BLTP3B: variants seen among roughly 807,000 people sequenced by gnomAD.
BLTP3B encodes the protein UHRF1 (ICBP90) binding protein 1-like.
the BLTP3B span, chr12:100,088,938 T>C: frequency 6.3e-7 from 1 of 1,583,876 alleles, no homozygotes; most frequent in Admixed American, 1.9e-5. Flanking sequence ...ATGAATGTCA[T>C]CACATATGTG....
the BLTP3B span, chr12:100,072,904 T>A: frequency 7.3e-7 from 1 of 1,375,038 alleles, no homozygotes. Flanking sequence ...TAAAACTACT[T>A]ACAAAACTTT....
chr12:100,111,275 A>T, the BLTP3B span, among the ~76,000 whole-genome samples: 35 of 130,610 alleles, frequency 2.7e-4, no homozygotes, highest in East Asian at 3.9e-3. Context: ...GTGGGGTTTT[A>T]GATTTTTTTT....
At chr12:100,059,808 A>G in the BLTP3B span, 1 of 1,552,324 alleles carries the variant, frequency 6.4e-7, no homozygotes, top group Non-Finnish European at 8.7e-7. Context: ...TAAAATAAAA[A>G]GAACAAAATT....
the BLTP3B span, chr12:100,050,121 CAT>C: frequency 7.2e-7 from 1 of 1,380,240 alleles, no homozygotes; most frequent in Non-Finnish European, 9.5e-7. Flanking sequence ...AAAGTTAAAA[CAT>C]ATTAAACCAT....
chr12:100,142,192 G>C, the BLTP3B span, among the ~76,000 whole-genome samples: 1 of 152,210 alleles, frequency 6.6e-6, no homozygotes, highest in Non-Finnish European at 1.5e-5. Flanking sequence ...GCTCCAAGGG[G>C]AAGGAGCACC....
the BLTP3B span, among the ~76,000 whole-genome samples, chr12:100,083,773 C>G: frequency 6.6e-6 from 1 of 151,446 alleles, no homozygotes; most frequent in Non-Finnish European, 1.5e-5. Flanking sequence ...AAAAAGAAAC[C>G]TTCTAGAAAA....
chr12:100,042,951 C>G, the BLTP3B span, among the ~76,000 whole-genome samples: 4 of 152,084 alleles, frequency 2.6e-5, no homozygotes, highest in Admixed American at 1.3e-4. Context: ...AGATGTGCGC[C>G]AAGACACCCA....
the BLTP3B span, among the ~76,000 whole-genome samples, chr12:100,102,013 T>C: frequency 6.6e-6 from 1 of 152,110 alleles, no homozygotes. Context: ...TTGGTCAAGC[T>C]GGTGGCAAAC....
chr12:100,137,235 C>G, the BLTP3B span, among the ~76,000 whole-genome samples: 1 of 152,178 alleles, frequency 6.6e-6, no homozygotes, highest in South Asian at 2.1e-4. Context: ...ACTTTTCCAC[C>G]TAGATAGCAT....
chr12:100,055,971 TAATATATATAC>T, the BLTP3B span, among the ~76,000 whole-genome samples: 1 of 152,206 alleles, frequency 6.6e-6, no homozygotes, highest in African/African-American at 2.4e-5. Context: ...TTAAATTCAT[TAATATATATAC>T]AAAGCATATA....
the BLTP3B span, among the ~76,000 whole-genome samples, chr12:100,071,228 G>A: frequency 0.087 from 13,157 of 152,098 alleles, 773 homozygotes; most frequent in African/African-American, 0.15. Flanking sequence ...CAGGTGCAGT[G>A]GCTCACACCT....
the BLTP3B span, among the ~76,000 whole-genome samples, chr12:100,066,578 G>A: frequency 6.6e-6 from 1 of 151,494 alleles, no homozygotes; most frequent in Non-Finnish European, 1.5e-5. Context: ...CAGATCACAA[G>A]GTCAGGAGAT....
chr12:100,042,398 G>A, the BLTP3B span, among the ~76,000 whole-genome samples: 1 of 152,136 alleles, frequency 6.6e-6, no homozygotes, highest in Non-Finnish European at 1.5e-5. Context: ...AAGGAAGTTG[G>A]TAATCAAGAC....
At chr12:100,136,782 AT>A in the BLTP3B span, among the ~76,000 whole-genome samples, 1 of 150,292 alleles carries the variant, frequency 6.7e-6, no homozygotes, top group Non-Finnish European at 1.5e-5. Context: ...CTATGGCCAT[AT>A]CAGATAGCTT....
At chr12:100,098,604 A>T in the BLTP3B span, 1 of 1,484,442 alleles carries the variant, frequency 6.7e-7, no homozygotes, top group Non-Finnish European at 9.0e-7. Flanking sequence ...AATTCTATTA[A>T]TATTTGCACA....
the BLTP3B span, chr12:100,086,470 CT>C: frequency 1.6e-6 from 1 of 623,446 alleles, no homozygotes; most frequent in Non-Finnish European, 2.7e-6. Flanking sequence ...AACTGTCTCT[CT>C]TTTATGACGG....
chr12:100,087,746 A>C, the BLTP3B span, among the ~76,000 whole-genome samples: 67 of 152,328 alleles, frequency 4.4e-4, 1 homozygote, highest in Admixed American at 2.9e-3. Context: ...TTTGGTGAAA[A>C]GGTTTTCTTC....
chr12:100,084,604 C>T, the BLTP3B span: 2 of 1,614,048 alleles, frequency 1.2e-6, no homozygotes, highest in African/African-American at 2.7e-5. Flanking sequence ...ATTGGCCCAT[C>T]CATTTTTTGT....
the BLTP3B span, among the ~76,000 whole-genome samples, chr12:100,112,813 T>C: frequency 6.7e-6 from 1 of 149,682 alleles, no homozygotes; most frequent in African/African-American, 2.5e-5. Flanking sequence ...TGAGCCGAGA[T>C]TGCACCACTG....
Sources: gnomAD v4.1 joint callset for allele counts (sites outside exome capture counted in the v4.1 genomes callset) on GRCh38, gnomAD v4.1.1 for gene constraint, MANE v1.5 for transcripts, NCBI Gene and HGNC (gene_info 2026-07-23, HGNC 2026-07-21) for gene names.